FANCM: variants seen among roughly 807,000 people sequenced by gnomAD.
FANCM encodes FA complementation group M, also known as Fanconi anemia group M protein.
A neutral mutation model predicts 199.5 loss-of-function variants in FANCM; 140 were observed. The ratio of observed to expected loss-of-function variants is 0.70; its 90% CI spans 0.61 to 0.81. The LOEUF (loss-of-function observed/expected upper bound fraction) is 0.81. Among genes scored for constraint, FANCM ranks in the 30% least tolerant of loss-of-function variants. FANCM has a pLI of 0.00. For synonymous variants in FANCM, 840 were observed against 836.8 expected (o/e 1.00, Z -0.07); for missense variants, 2,410 against 2,421.4 (o/e 1.00, Z 0.10).
chr14:45,150,846 G>A (rs1886767789), intron 4 of FANCM, among the ~76,000 whole-genome samples: 1 of 152,166 alleles, frequency 6.6e-6, no homozygotes, highest in African/African-American at 2.4e-5. Flanking sequence ...TATGAGAGCA[G>A]TGACAAATAA....
chr14:45,197,871 C>T (rs1161403536), intron 21 of FANCM, among the ~76,000 whole-genome samples: 2 of 151,680 alleles, frequency 1.3e-5, no homozygotes, highest in Non-Finnish European at 1.5e-5. Flanking sequence ...TCAAGTGATT[C>T]TCCTGCCTCA....
intron 21 of FANCM, among the ~76,000 whole-genome samples, chr14:45,197,042 G>A (rs140329199): frequency 6.6e-6 from 1 of 152,288 alleles, no homozygotes; most frequent in East Asian, 1.9e-4. Flanking sequence ...GTTCTCAATG[G>A]GTCACTGAAG....
intron 8 of FANCM, 52 bp downstream of exon 8, chr14:45,155,511 A>C (rs1021185024): frequency 8.4e-6 from 8 of 951,844 alleles, no homozygotes; most frequent in Admixed American, 6.9e-5. Flanking sequence ...GCAAGAGGTA[A>C]AACTTTACTT....
chr14:45,156,025 T>C (rs1207658021), intron 8 of FANCM, among the ~76,000 whole-genome samples: 1 of 152,078 alleles, frequency 6.6e-6, no homozygotes, highest in East Asian at 1.9e-4. Flanking sequence ...AGTAAAACAA[T>C]ATATAGTACC....
At chr14:45,139,963 T>C (rs1698269063) in intron 2 of FANCM, among the ~76,000 whole-genome samples, 1 of 152,174 alleles carries the variant, frequency 6.6e-6, no homozygotes, top group African/African-American at 2.4e-5. Flanking sequence ...TGCTCCAGCC[T>C]GGGTGACAGA....
At chr14:45,189,735 G>A (rs532513002) in intron 20 of FANCM, among the ~76,000 whole-genome samples, 6 of 152,206 alleles carry the variant, frequency 3.9e-5, no homozygotes, top group Admixed American at 1.3e-4. Flanking sequence ...CTGGGAGGCC[G>A]AGGCAGGTGG....
intron 11 of FANCM, among the ~76,000 whole-genome samples, chr14:45,170,194 T>C (rs1888249033): frequency 6.6e-6 from 1 of 152,218 alleles, no homozygotes; most frequent in African/African-American, 2.4e-5. Context: ...AGATGGGTAC[T>C]TTCAGAGGTA....
chr14:45,181,538 T>C lies in FANCM; in HGVS notation c.4317+14T>C, dbSNP rs1303552814. 20 of 1,551,706 alleles carry C rather than the reference T, an allele frequency of 1.3e-5. No homozygotes were observed. In the East Asian group the frequency reaches 4.5e-4, roughly 35 times the overall value. On this transcript the variant is annotated intron_variant, in intron 15 of 22. Transcript: ENST00000267430. Reference sequence around the variant, plus strand: ...AACTCTCCTGAGGTGAGTCATTCAGTAATCACAATAGTATAATCATATCAA... The same window carrying C: ...AACTCTCCTGAGGTGAGTCATTCAGCAATCACAATAGTATAATCATATCAA...
chr14:45,189,319 T>A lies in FANCM; in HGVS notation c.5297T>A (p.Val1766Asp), dbSNP rs368109537. ...VQSTTPPFTT[V>D]DSQKDCRKFP... ...TCTACCACACCACCCTTCACTACTG[T>A]TGATTCACAGAAAGACTGTAGAAAA... The change falls in exon 20 of 23, where the codon GTT (valine) becomes GAT (aspartate). Residue 1766 changes from valine to aspartate, a missense_variant. Coordinates refer to ENST00000267430, the MANE Select transcript of FANCM (RefSeq NM_020937.4). The A allele has an allele frequency of 6.2e-7, 1 of 1,613,844 alleles. No individual in the cohort carries two copies. The highest frequency in any genetic ancestry group is 1.3e-5 in the African/African-American group (1 of 74,918).
intron 20 of FANCM, among the ~76,000 whole-genome samples, chr14:45,193,065 A>G (rs1021304113): frequency 2.5e-4 from 38 of 152,336 alleles, no homozygotes; most frequent in African/African-American, 9.1e-4. Flanking sequence ...GTGGAAAAGG[A>G]ACCATGCCTC....
At chr14:45,198,998 A>G (rs1442368374) in intron 22 of FANCM, 63 bp downstream of exon 22, 1 of 1,325,814 alleles carries the variant, frequency 7.5e-7, no homozygotes, top group African/African-American at 1.5e-5. Flanking sequence ...CATTCCATAG[A>G]AGTTTAATGT....
At chr14:45,139,790 A>T (rs949088429) in intron 2 of FANCM, among the ~76,000 whole-genome samples, 12 of 152,176 alleles carry the variant, frequency 7.9e-5, no homozygotes, top group Admixed American at 4.6e-4. Flanking sequence ...TGGCCTGGGC[A>T]GGGTGACTCT....
rs1401549421 is a variant in FANCM, at chr14:45,151,424, A to G, written c.946A>G (p.Ile316Val). The stretch of plus-strand genomic sequence containing the variant: ...TTTGGAATCATTTGCTCGTTCTTTG[A>G]TTCAGAGGAATGTTTTGATGAGAAG... ...QILESFARSL[I>V]QRNVLMRRDI... Residue 316 changes from isoleucine to valine, a missense_variant, in exon 5 of 23, where the codon ATT (isoleucine) becomes GTT (valine). By Grantham distance (29) the Ile-to-Val change is conservative. Coordinates refer to ENST00000267430, the MANE Select transcript of FANCM (RefSeq NM_020937.4). 6.2e-6 allele frequency: 10 copies of G among 1,613,598 alleles called. No homozygotes were observed. Among genetic ancestry groups the G allele is most frequent in the East Asian group, 2.2e-5 (1 of 44,860 alleles).
At chr14:45,164,656 A>C (rs933967034) in intron 10 of FANCM, 91 bp downstream of exon 10, 2 of 993,734 alleles carry the variant, frequency 2.0e-6, no homozygotes, top group Non-Finnish European at 3.1e-6. Context: ...TTCCAAGTCC[A>C]AACACTCTGT....
At chr14:45,170,784 C>T (rs376133103) in intron 12 of FANCM, 38 bp downstream of exon 12, 299 of 1,570,392 alleles carry the variant, frequency 1.9e-4, no homozygotes, top group Non-Finnish European at 2.4e-4. Context: ...TTTTCCCCCC[C>T]CTCATTTTAA....
intron 3 of FANCM, among the ~76,000 whole-genome samples, chr14:45,145,697 G>C (rs2139137827): frequency 6.6e-6 from 1 of 152,280 alleles, no homozygotes; most frequent in East Asian, 1.9e-4. Context: ...GGCCAAGGCA[G>C]GCGGATCAGG....
Position 45,167,043 on chromosome 14 carries a change from A to C in FANCM, c.1882A>C (p.Met628Leu), listed in dbSNP as rs1888029552. 2 of 1,611,874 alleles carry C rather than the reference A, an allele frequency of 1.2e-6. No homozygotes were observed. The highest frequency in any genetic ancestry group is 1.7e-6 in the Non-Finnish European group (2 of 1,177,914). The change falls in exon 11 of 23, where the codon ATG becomes CTG. Residue 628 changes from methionine (M) to leucine (L), a missense_variant. Physicochemically the swap from Met to Leu is conservative, Grantham distance 15 (BLOSUM62 2). Coordinates refer to ENST00000267430, the MANE Select transcript of FANCM (RefSeq NM_020937.4). ...TCATTTTTACCAAAGAAGTCCACGA[A>C]TGGTTCCTGATGGAATCAACCCAAA... ...VLHFYQRSPR[M>L]VPDGINPKLH...
chr14:45,164,905 A>G (rs1887857555), intron 10 of FANCM, among the ~76,000 whole-genome samples: 1 of 152,210 alleles, frequency 6.6e-6, no homozygotes, highest in Admixed American at 6.5e-5. Flanking sequence ...TTCTTTCTGA[A>G]CTATAGTAAA....
chr14:45,176,018 T>C lies in FANCM; in HGVS notation c.3264T>C (p.His1088=), dbSNP rs766524521. The C allele has an allele frequency of 6.2e-7, 1 of 1,613,774 alleles. No individual in the cohort carries two copies. The highest frequency in any genetic ancestry group is 8.5e-7 in the Non-Finnish European group (1 of 1,179,726). The change falls in exon 14 of 23, where the codon CAT becomes CAC. Residue 1088 remains histidine (H), a synonymous_variant. Coordinates refer to ENST00000267430, the MANE Select transcript of FANCM (RefSeq NM_020937.4). ...PSLCDCDVHK[H]NQNENLVPNN... is the part of the protein sequence containing the mutation. The stretch of plus-strand genomic sequence containing the variant: ...TCTGTGACTGTGATGTACATAAACA[T>C]AATCAAAATGAAAATTTAGTACCTA...
Sources: allele counts gnomAD v4.1 joint callset (sites outside exome capture counted in the v4.1 genomes callset), GRCh38; gene constraint gnomAD v4.1.1; transcripts MANE v1.5; gene names NCBI Gene and HGNC (gene_info 2026-07-23, HGNC 2026-07-21).